The following TRAPPC9 variants were observed in gnomAD, a reference collection of about 807,000 sequenced individuals.
TRAPPC9 encodes the protein IKK2 binding protein.
In TRAPPC9, 83 loss-of-function variants were observed where a neutral mutation model predicts 124.0. The ratio of observed to expected loss-of-function variants is 0.67; its 90% CI spans 0.56 to 0.80. The LOEUF (loss-of-function observed/expected upper bound fraction) is 0.80. Among genes scored for constraint, TRAPPC9 ranks in the 30% least tolerant of loss-of-function variants. The probability of loss-of-function intolerance (pLI) is 0.00; values close to 1 mark genes in which losing one functional copy is unlikely to be tolerated. For synonymous variants in TRAPPC9, 638 were observed against 617.5 expected, an observed-to-expected ratio of 1.03 and a Z score of -0.49; for missense variants, 1,302 against 1,508.3, an observed-to-expected ratio of 0.86 and a Z score of 2.27.
chr8:140,000,660 T>C (rs1370878537), intron 18 of TRAPPC9, among the ~76,000 whole-genome samples: 1 of 152,124 alleles, frequency 6.6e-6, no homozygotes, highest in East Asian at 1.9e-4. Context: ...ATCAGAGAAA[T>C]GCAAATCAAA....
chr8:140,419,734 A>G (rs1308438909), intron 5 of TRAPPC9, among the ~76,000 whole-genome samples: 1 of 151,534 alleles, frequency 6.6e-6, no homozygotes, highest in East Asian at 2.0e-4. Context: ...AAATACAAAA[A>G]AATTAGCCGG....
intron 21 of TRAPPC9, among the ~76,000 whole-genome samples, chr8:139,749,800 G>T (rs76546194): frequency 0.013 from 2,053 of 152,314 alleles, 39 homozygotes; most frequent in African/African-American, 0.047. Context: ...GTTAGCTGCT[G>T]CCCCTGTGCT....
intron 19 of TRAPPC9, among the ~76,000 whole-genome samples, chr8:139,979,429 G>A (rs958509878): frequency 2.0e-5 from 3 of 152,202 alleles, no homozygotes; most frequent in Non-Finnish European, 4.4e-5. Flanking sequence ...GGACACGAAC[G>A]GACACGGGTG....
intron 17 of TRAPPC9, among the ~76,000 whole-genome samples, chr8:140,034,232 T>A (rs943515963): frequency 6.6e-6 from 1 of 152,244 alleles, no homozygotes; most frequent in Non-Finnish European, 1.5e-5. Context: ...TGAAGATGAT[T>A]TATACATTAA....
At chr8:140,300,716 C>A in intron 10 of TRAPPC9, 102 bp from the exon 11 acceptor site, 1 of 1,453,052 alleles carries the variant, frequency 6.9e-7, no homozygotes, top group South Asian at 1.1e-5. Flanking sequence ...GTAAATCAGT[C>A]AGAAGGAAGA....
At chr8:140,458,170 G>A (rs2071769664), upstream of TRAPPC9, 3 of 1,538,778 alleles carry the variant, frequency 1.9e-6, no homozygotes, top group Non-Finnish European at 2.6e-6. Flanking sequence ...GAGGGAGATG[G>A]AGCGAGGAGG....
intron 1 of TRAPPC9, among the ~76,000 whole-genome samples, chr8:140,454,733 G>A: frequency 6.6e-6 from 1 of 150,504 alleles, no homozygotes. Flanking sequence ...GAGGTCAGGA[G>A]TTCGAGACCA....
intron 17 of TRAPPC9, among the ~76,000 whole-genome samples, chr8:140,083,680 T>TTTTG (rs1297630678): frequency 4.8e-3 from 85 of 17,610 alleles, no homozygotes; most frequent in African/African-American, 0.021. Context: ...TTGTTTTTGT[T>TTTTG]TTTTGAGATG....
chr8:139,966,270 G>C (rs1835700497), intron 19 of TRAPPC9, among the ~76,000 whole-genome samples: 2 of 152,164 alleles, frequency 1.3e-5, no homozygotes, highest in Non-Finnish European at 2.9e-5. Context: ...GCCCCACTTT[G>C]CTGGGTTCCC....
chr8:139,893,434 C>A (rs1312481945), intron 20 of TRAPPC9, among the ~76,000 whole-genome samples: 1 of 152,222 alleles, frequency 6.6e-6, no homozygotes, highest in Non-Finnish European at 1.5e-5. Context: ...CCTGCCCTGG[C>A]GGTCTGCACA....
chr8:139,738,313 G>C (rs1016301056), intron 21 of TRAPPC9, among the ~76,000 whole-genome samples: 1 of 152,226 alleles, frequency 6.6e-6, no homozygotes, highest in East Asian at 1.9e-4. Context: ...GCAACAGAAG[G>C]GGTCATGTGG....
chr8:139,831,242 C>T lies in TRAPPC9; in HGVS notation c.3055+54637G>A, dbSNP rs570405819. On this transcript the variant is annotated intron_variant, in intron 21 of 22. Coordinates refer to ENST00000438773, the MANE Select transcript of TRAPPC9 (RefSeq NM_001160372.4). ...GACAGCCGCCCACACATTAGTTGGACTTGTGTGGTCTGCTGTGTCGTGTGT... is the reference window on the plus strand; with the variant it reads ...GACAGCCGCCCACACATTAGTTGGATTTGTGTGGTCTGCTGTGTCGTGTGT... Among the ~76,000 whole-genome samples the T allele has an allele frequency of 2.6e-5, 4 of 152,286 alleles. No individual in the cohort carries two copies. The South Asian group carries it at 8.3e-4, about 32-fold the overall frequency.
At chr8:140,449,866 A>G (rs2071394151) in intron 2 of TRAPPC9, among the ~76,000 whole-genome samples, 1 of 152,246 alleles carries the variant, frequency 6.6e-6, no homozygotes, top group African/African-American at 2.4e-5. Flanking sequence ...GAGACTGAAT[A>G]AAACTGTTCA....
intron 22 of TRAPPC9, among the ~76,000 whole-genome samples, chr8:139,731,684 C>A (rs1434178590): frequency 3.3e-5 from 5 of 152,104 alleles, no homozygotes; most frequent in Admixed American, 3.3e-4. Context: ...GATGCCACAG[C>A]AGGGTCCAAT....
chr8:140,373,871 G>A (rs967973568), intron 7 of TRAPPC9, among the ~76,000 whole-genome samples: 13 of 152,090 alleles, frequency 8.5e-5, no homozygotes, highest in African/African-American at 2.9e-4. Context: ...AAATTAGATC[G>A]TTTGTTTTAT....
chr8:140,139,375 G>C (rs2061349601), intron 17 of TRAPPC9, among the ~76,000 whole-genome samples: 1 of 152,148 alleles, frequency 6.6e-6, no homozygotes, highest in South Asian at 2.1e-4. Flanking sequence ...GGTGCTCACA[G>C]GAATGTTCTC....
At chr8:140,311,395 A>C in intron 9 of TRAPPC9, 21 bp from the exon 10 acceptor site, 1 of 1,612,354 alleles carries the variant, frequency 6.2e-7, no homozygotes, top group South Asian at 1.1e-5. Context: ...GATGAAAACA[A>C]AATAAAGATG....
chr8:140,006,440 C>T (rs1278786723), intron 18 of TRAPPC9, among the ~76,000 whole-genome samples: 1 of 152,134 alleles, frequency 6.6e-6, no homozygotes, highest in African/African-American at 2.4e-5. Flanking sequence ...AACAATCCAG[C>T]AGCTCCTTAA....
At chr8:140,360,318 C>A in intron 8 of TRAPPC9, 125 bp from the exon 9 acceptor site, 5 of 1,238,306 alleles carry the variant, frequency 4.0e-6, no homozygotes, top group Admixed American at 4.1e-5. Flanking sequence ...CCAAGAGCAA[C>A]AAAAAATATT....
Sources: allele counts gnomAD v4.1 joint callset (sites outside exome capture counted in the v4.1 genomes callset), GRCh38; gene constraint gnomAD v4.1.1; transcripts MANE v1.5; gene names NCBI Gene and HGNC (gene_info 2026-07-23, HGNC 2026-07-21).